Variants in CCDC102B observed in about 807,000 individuals in gnomAD.
The protein encoded by CCDC102B is coiled-coil domain-containing protein 102B.
CCDC102B carries 75 observed loss-of-function variants against 57.4 expected under a neutral mutation model. The ratio of observed to expected loss-of-function variants is 1.31; its 90% CI spans 1.08 to 1.58. The LOEUF (loss-of-function observed/expected upper bound fraction) is 1.58, where lower values mean the gene tolerates loss of function less well. Ranked by LOEUF, CCDC102B falls within the 40% of genes most tolerant of loss-of-function variation. The pLI is 0.00. For missense variants in CCDC102B, 636 were observed against 582.6 expected, an observed-to-expected ratio of 1.09 and a Z score of -0.94; for synonymous variants, 206 against 201.9, an observed-to-expected ratio of 1.02 and a Z score of -0.17.
intron 2 of CCDC102B, among the ~76,000 whole-genome samples, chr18:68,789,942 T>C (rs1448170568): frequency 4.6e-5 from 7 of 152,032 alleles, no homozygotes; most frequent in African/African-American, 1.7e-4. Flanking sequence ...TGTTCTGTTT[T>C]TTCCCCATCT....
intron 5 of CCDC102B, among the ~76,000 whole-genome samples, chr18:68,892,268 T>G (rs1280017406): frequency 2.0e-5 from 3 of 152,202 alleles, no homozygotes; most frequent in African/African-American, 7.2e-5. Context: ...ATGACCCTTG[T>G]ACTTTCTAAT....
intron 6 of CCDC102B, among the ~76,000 whole-genome samples, chr18:68,963,123 A>G (rs2050084594): frequency 6.6e-6 from 1 of 152,038 alleles, no homozygotes; most frequent in Admixed American, 6.6e-5. Context: ...ATTGAGATTT[A>G]TTGTGGACCT....
rs375981789 is a variant in CCDC102B at position 68,912,717 on chromosome 18, G to T, written c.1263+15289G>T. ...CAGAGGCTGGAAAGGAAAAGAAAAA[G>T]AATGAAGCCCTTATCCTAGATTCAT... On this transcript the variant is annotated intron_variant, in intron 6 of 7. Transcript: ENST00000360242. Among the ~76,000 whole-genome samples, 213 of 152,274 alleles carry T rather than the reference G, an allele frequency of 1.4e-3. 1 individual carries two copies. Among genetic ancestry groups the T allele is most frequent in the Middle Eastern group, 6.8e-3 (2 of 294 alleles).
At chr18:68,979,765 G>A (rs2050530324) in intron 6 of CCDC102B, among the ~76,000 whole-genome samples, 1 of 151,896 alleles carries the variant, frequency 6.6e-6, no homozygotes, top group African/African-American at 2.4e-5. Context: ...GGATTGTGGT[G>A]GCCACTGCAG....
chr18:68,985,095 A>G (rs529343403), intron 6 of CCDC102B, among the ~76,000 whole-genome samples: 6 of 152,290 alleles, frequency 3.9e-5, no homozygotes, highest in East Asian at 3.9e-4. Context: ...CACAATTTGT[A>G]TACCTGTAAT....
chr18:68,904,311 A>C (rs760361243), intron 6 of CCDC102B, among the ~76,000 whole-genome samples: 1 of 152,186 alleles, frequency 6.6e-6, no homozygotes, highest in Non-Finnish European at 1.5e-5. Flanking sequence ...AAAATGTGTT[A>C]TATTTTGGTA....
chr18:68,973,849 A>G (rs2050364583), intron 6 of CCDC102B, among the ~76,000 whole-genome samples: 1 of 152,124 alleles, frequency 6.6e-6, no homozygotes, highest in African/African-American at 2.4e-5. Flanking sequence ...TCTTGGAACC[A>G]AAATTTCAAA....
chr18:69,025,337 A>G (rs1321216715), intron 7 of CCDC102B, among the ~76,000 whole-genome samples: 1 of 152,236 alleles, frequency 6.6e-6, no homozygotes, highest in Non-Finnish European at 1.5e-5. Context: ...CTCAGTAGGA[A>G]GTAGAATTGA....
intron 1 of CCDC102B, among the ~76,000 whole-genome samples, chr18:68,830,247 C>A (rs2037089080): frequency 6.6e-6 from 1 of 151,886 alleles, no homozygotes; most frequent in Non-Finnish European, 1.5e-5. Flanking sequence ...GTGGTAGAAC[C>A]TTTAACAATA....
intron 6 of CCDC102B, among the ~76,000 whole-genome samples, chr18:68,900,834 G>A (rs1207443398): frequency 6.6e-6 from 1 of 152,130 alleles, no homozygotes; most frequent in Non-Finnish European, 1.5e-5. Flanking sequence ...ATTACAGCCA[G>A]TTCGAAGGAA....
chr18:68,801,006 C>T (rs117061009), intron 1 of CCDC102B, among the ~76,000 whole-genome samples: 1,530 of 151,614 alleles, frequency 0.01, 17 homozygotes, highest in Non-Finnish European at 0.018. Flanking sequence ...TTCATAACAA[C>T]GAGGTTTTTT....
At chr18:68,911,477 G>A (rs550042388) in intron 6 of CCDC102B, among the ~76,000 whole-genome samples, 2 of 150,916 alleles carry the variant, frequency 1.3e-5, no homozygotes, top group African/African-American at 2.5e-5. Context: ...AAAAGGCCGG[G>A]CGCGGTGGCT....
chr18:68,849,879 C>A (rs1156424474), intron 4 of CCDC102B, among the ~76,000 whole-genome samples: 2 of 152,106 alleles, frequency 1.3e-5, no homozygotes, highest in African/African-American at 4.8e-5. Context: ...CTCCATCTAT[C>A]CAGTGACTCT....
chr18:68,921,530 C>G (rs2041281007), intron 6 of CCDC102B, among the ~76,000 whole-genome samples: 1 of 152,188 alleles, frequency 6.6e-6, no homozygotes, highest in South Asian at 2.1e-4. Flanking sequence ...CCTACATTAT[C>G]TCCATGGGGC....
chr18:69,009,209 C>T (rs1372815117), intron 6 of CCDC102B, among the ~76,000 whole-genome samples: 1 of 152,184 alleles, frequency 6.6e-6, no homozygotes, highest in Non-Finnish European at 1.5e-5. Flanking sequence ...CTTTGCCAGT[C>T]TGAAGACATC....
chr18:69,053,732 T>G (rs1011345425), intron 7 of CCDC102B, among the ~76,000 whole-genome samples: 1 of 151,882 alleles, frequency 6.6e-6, no homozygotes, highest in African/African-American at 2.4e-5. Flanking sequence ...CTGTGTCTTA[T>G]ATAGAATGGA....
At chr18:68,869,240 A>T (rs559209027) in intron 4 of CCDC102B, among the ~76,000 whole-genome samples, 4 of 152,308 alleles carry the variant, frequency 2.6e-5, no homozygotes, top group Admixed American at 2.6e-4. Context: ...ATGACAGTAG[A>T]TGGGATGACT....
At chr18:68,959,484 G>A (rs1176414169) in intron 6 of CCDC102B, among the ~76,000 whole-genome samples, 1 of 151,930 alleles carries the variant, frequency 6.6e-6, no homozygotes, top group Non-Finnish European at 1.5e-5. Context: ...CTTGTCCAAG[G>A]CCCGCAGTGA....
At chr18:68,952,986 C>T (rs1033076467) in intron 6 of CCDC102B, among the ~76,000 whole-genome samples, 3 of 151,878 alleles carry the variant, frequency 2.0e-5, no homozygotes, top group African/African-American at 7.3e-5. Context: ...AAGAAATGAC[C>T]ATCAAAAACA....
Sources: gnomAD v4.1 joint callset for allele counts (sites outside exome capture counted in the v4.1 genomes callset) on GRCh38, gnomAD v4.1.1 for gene constraint, MANE v1.5 for transcripts, NCBI Gene and HGNC (gene_info 2026-07-23, HGNC 2026-07-21) for gene names.